Variants in FRMD4B observed in about 807,000 individuals in gnomAD.
FRMD4B encodes FERM domain containing 4B.
Under a neutral mutation model 141.5 loss-of-function variants are expected in FRMD4B, and 74 were observed. The ratio of observed to expected loss-of-function variants is 0.52; its 90% CI spans 0.43 to 0.63. The LOEUF is 0.63. Ranked by LOEUF, FRMD4B falls within the 30% of genes least tolerant of loss-of-function variation. The probability of loss-of-function intolerance (pLI) is 0.00; values close to 1 mark genes in which losing one functional copy is unlikely to be tolerated. For missense variants in FRMD4B, 1,366 were observed against 1,253.4 expected, an observed-to-expected ratio of 1.09 and a Z score of -1.36; for synonymous variants, 506 against 467.9, an observed-to-expected ratio of 1.08 and a Z score of -1.05.
chr3:69,268,171 C>T (rs2093576840), intron 5 of FRMD4B, among the ~76,000 whole-genome samples: 1 of 151,888 alleles, frequency 6.6e-6, no homozygotes, highest in Admixed American at 6.6e-5. Context: ...ACCATTCTGC[C>T]AATATCTGAA....
At chr3:69,406,352 T>C (rs1016593853) in intron 2 of FRMD4B, among the ~76,000 whole-genome samples, 1 of 152,190 alleles carries the variant, frequency 6.6e-6, no homozygotes, top group Non-Finnish European at 1.5e-5. Context: ...ATGCCAACTG[T>C]GCAAGGCTCT....
At chr3:69,308,588 C>T (rs1164205522) in intron 3 of FRMD4B, among the ~76,000 whole-genome samples, 4 of 151,852 alleles carry the variant, frequency 2.6e-5, no homozygotes, top group Non-Finnish European at 5.9e-5. Context: ...CAGGTGTGCA[C>T]CATCATGCCC....
At chr3:69,449,945 C>A (rs780752953) in intron 1 of FRMD4B, among the ~76,000 whole-genome samples, 57 of 152,274 alleles carry the variant, frequency 3.7e-4, no homozygotes, top group Non-Finnish European at 6.8e-4. Flanking sequence ...GGCTTCTTAT[C>A]CTGACTCCTA....
chr3:69,182,535 GCAAGACAGAACCTCAAAGCAAAAAT>G, intron 20 of FRMD4B, 38 bp downstream of exon 20: 1 of 1,497,098 alleles, frequency 6.7e-7, no homozygotes, highest in African/African-American at 1.4e-5. Flanking sequence ...ACACAATAAA[GCAAGACAGAACCTCAAAGCAAAAAT>G]CAAGACAGCT....
At chr3:69,368,272 G>GC (rs1243991510) in intron 1 of FRMD4B, among the ~76,000 whole-genome samples, 12 of 152,280 alleles carry the variant, frequency 7.9e-5, no homozygotes, top group Admixed American at 2.0e-4. Context: ...AAGGACGTGG[G>GC]CCAGCATTGG....
chr3:69,481,052 A>G (rs1016716071), intron 1 of FRMD4B, among the ~76,000 whole-genome samples: 3 of 152,184 alleles, frequency 2.0e-5, no homozygotes, highest in Non-Finnish European at 4.4e-5. Flanking sequence ...CCGTTTTTTA[A>G]GCCCGTCGGA....
chr3:69,456,633 C>T (rs971131299), intron 1 of FRMD4B, among the ~76,000 whole-genome samples: 6 of 151,510 alleles, frequency 4.0e-5, no homozygotes, highest in African/African-American at 1.2e-4. Context: ...CTGTCTTGTT[C>T]GCCATTGTAT....
chr3:69,478,008 T>C (rs1256024802), intron 1 of FRMD4B, among the ~76,000 whole-genome samples: 2 of 152,150 alleles, frequency 1.3e-5, no homozygotes, highest in Non-Finnish European at 2.9e-5. Context: ...GTTTGTAGTA[T>C]TCTCTGATGG....
At chr3:69,319,990 C>G (rs774489117) in intron 1 of FRMD4B, among the ~76,000 whole-genome samples, 1 of 152,226 alleles carries the variant, frequency 6.6e-6, no homozygotes, top group South Asian at 2.1e-4. Flanking sequence ...GTTAGAACTG[C>G]GGAATTTATA....
At chr3:69,228,185 C>T (rs1371178276) in intron 7 of FRMD4B, among the ~76,000 whole-genome samples, 1 of 152,166 alleles carries the variant, frequency 6.6e-6, no homozygotes, top group South Asian at 2.1e-4. Flanking sequence ...AAAGGATGAT[C>T]CTGCCCAAAA....
At chr3:69,186,368 C>T (rs2092767585) in intron 19 of FRMD4B, among the ~76,000 whole-genome samples, 1 of 151,386 alleles carries the variant, frequency 6.6e-6, no homozygotes, top group Non-Finnish European at 1.5e-5. Context: ...GCCTCAGTCT[C>T]CCAAGTAGCT....
intron 19 of FRMD4B, among the ~76,000 whole-genome samples, chr3:69,185,143 A>C (rs567438503): frequency 6.6e-6 from 1 of 152,124 alleles, no homozygotes; most frequent in East Asian, 1.9e-4. Context: ...TACTAAAAAC[A>C]CAAAAAAATT....
chr3:69,180,396 T>G (rs1182421297), intron 21 of FRMD4B, among the ~76,000 whole-genome samples: 1 of 152,090 alleles, frequency 6.6e-6, no homozygotes, highest in Non-Finnish European at 1.5e-5. Flanking sequence ...CCTTAGATGA[T>G]CAATCTTGGT....
At position 69,462,269 on chromosome 3, in the gene FRMD4B, A is replaced by G. The variant is rs140807999; in HGVS notation, c.-128-29508T>C. 7.6e-4 allele frequency among the ~76,000 whole-genome samples: 115 copies of G among 152,304 alleles called. 2 individuals carry two copies. Among genetic ancestry groups the G allele is most frequent in the African/African-American group, 2.6e-3 (109 of 41,578 alleles). On this transcript the variant is annotated intron_variant, in intron 1 of 5. Coordinates refer to the FRMD4B transcript ENST00000459638. ...TGTGAGCATGCCTCAGAATGTTCCC[A>G]TGGAGGGGCTAGGAGGCCGCAGTTT...
chr3:69,422,075 A>T (rs1704991107), intron 2 of FRMD4B, among the ~76,000 whole-genome samples: 1 of 152,210 alleles, frequency 6.6e-6, no homozygotes. Flanking sequence ...ATTCATAGGG[A>T]TTTGAAATCT....
intron 1 of FRMD4B, among the ~76,000 whole-genome samples, chr3:69,322,668 C>T (rs1454077434): frequency 6.8e-6 from 1 of 148,092 alleles, no homozygotes; most frequent in African/African-American, 2.5e-5. Flanking sequence ...ATGAACATGA[C>T]TCACTGCAGC....
intron 1 of FRMD4B, among the ~76,000 whole-genome samples, chr3:69,483,752 T>G (rs1384366202): frequency 1.3e-5 from 2 of 152,220 alleles, no homozygotes; most frequent in Non-Finnish European, 2.9e-5. Flanking sequence ...TGGACCCTTA[T>G]AGTTATTTTT....
At chr3:69,464,297 G>A (rs995739720) in intron 1 of FRMD4B, among the ~76,000 whole-genome samples, 1 of 152,164 alleles carries the variant, frequency 6.6e-6, no homozygotes, top group African/African-American at 2.4e-5. Context: ...CTGGTAACAG[G>A]ACAGAGGTAT....
chr3:69,211,043 A>G (rs2093073913), intron 11 of FRMD4B, among the ~76,000 whole-genome samples: 1 of 151,640 alleles, frequency 6.6e-6, no homozygotes, highest in Non-Finnish European at 1.5e-5. Flanking sequence ...AAAAAAAAGA[A>G]AGAAAATTTG....
Sources: allele counts gnomAD v4.1 joint callset (sites outside exome capture counted in the v4.1 genomes callset), GRCh38; gene constraint gnomAD v4.1.1; transcripts MANE v1.5; gene names NCBI Gene and HGNC (gene_info 2026-07-23, HGNC 2026-07-21).